Variants in ESR1 observed in about 807,000 individuals in gnomAD.
The protein encoded by ESR1 is estrogen receptor.
Under a neutral mutation model 52.7 loss-of-function variants are expected in ESR1, and 12 were observed. The ratio of observed to expected loss-of-function variants is 0.23; its 90% CI spans 0.15 to 0.37. The LOEUF (loss-of-function observed/expected upper bound fraction) is 0.37, where lower values mean the gene tolerates loss of function less well. Ranked by LOEUF, ESR1 falls within the 10% of genes least tolerant of loss-of-function variation. ESR1 has a pLI of 1.00. For missense variants in ESR1, 584 were observed against 779.7 expected (o/e 0.75, Z 2.99); for synonymous variants, 305 against 316.8 (o/e 0.96, Z 0.39).
intron 2 of ESR1, among the ~76,000 whole-genome samples, chr6:151,769,983 G>A (rs1377309679): frequency 2.7e-5 from 4 of 149,674 alleles, no homozygotes; most frequent in African/African-American, 5.0e-5. Context: ...AGCCAAGATC[G>A]CACCACTGCA....
chr6:151,709,739 A>AT (rs988880868), intron 2 of ESR1, among the ~76,000 whole-genome samples: 94 of 144,946 alleles, frequency 6.5e-4, no homozygotes, highest in Middle Eastern at 3.6e-3. Flanking sequence ...TTTTCTATAG[A>AT]TTTTTTTTTT....
At chr6:152,064,735 G>T (rs2047828447) in intron 6 of ESR1, among the ~76,000 whole-genome samples, 1 of 152,082 alleles carries the variant, frequency 6.6e-6, no homozygotes, top group Non-Finnish European at 1.5e-5. Context: ...ATTCCTCACA[G>T]TCTATTTAGC....
chr6:152,075,844 T>A (rs1448220496), intron 6 of ESR1, among the ~76,000 whole-genome samples: 1 of 152,210 alleles, frequency 6.6e-6, no homozygotes. Context: ...TTAGTCTAAG[T>A]GTCAGATAGG....
intron 3 of ESR1, among the ~76,000 whole-genome samples, chr6:151,897,246 T>C (rs1730329135): frequency 6.6e-6 from 1 of 152,186 alleles, no homozygotes; most frequent in African/African-American, 2.4e-5. Flanking sequence ...TGACTTTCTG[T>C]CTTGATGACC....
chr6:151,940,491 GTAT>G, intron 3 of ESR1, among the ~76,000 whole-genome samples: 1 of 152,160 alleles, frequency 6.6e-6, no homozygotes, highest in Non-Finnish European at 1.5e-5. Context: ...TGTGTGTCTT[GTAT>G]TCAACAACCT....
chr6:151,736,169 A>G (rs967557643), intron 2 of ESR1, among the ~76,000 whole-genome samples: 2 of 152,184 alleles, frequency 1.3e-5, no homozygotes, highest in African/African-American at 4.8e-5. Context: ...CCAAATTAAT[A>G]CTGTCCTTTC....
chr6:152,054,730 C>T (rs917643386), intron 5 of ESR1, among the ~76,000 whole-genome samples: 2 of 152,166 alleles, frequency 1.3e-5, no homozygotes, highest in Non-Finnish European at 2.9e-5. Context: ...TCAATATTCC[C>T]TGAATAGGTC....
intron 6 of ESR1, among the ~76,000 whole-genome samples, chr6:152,120,285 G>A (rs979021416): frequency 1.3e-5 from 2 of 152,212 alleles, no homozygotes; most frequent in South Asian, 4.1e-4. Context: ...GGAGTGACAG[G>A]AAAGTGAGGG....
chr6:151,877,793 A>G (rs1045657622), intron 2 of ESR1, among the ~76,000 whole-genome samples: 1 of 152,008 alleles, frequency 6.6e-6, no homozygotes, highest in East Asian at 1.9e-4. Context: ...CTTAATGTAT[A>G]CTAATTAATT....
intron 4 of ESR1, among the ~76,000 whole-genome samples, chr6:151,956,743 C>G (rs767699150): frequency 6.7e-6 from 1 of 149,242 alleles, no homozygotes; most frequent in Admixed American, 6.7e-5. Flanking sequence ...AAAAAACAAC[C>G]CTTCTCCTTT....
intron 1 of ESR1, among the ~76,000 whole-genome samples, chr6:151,820,679 T>A (rs996701319): frequency 2.0e-5 from 3 of 152,240 alleles, no homozygotes; most frequent in African/African-American, 7.2e-5. Flanking sequence ...GTTACTTCCT[T>A]GTCTTTATTT....
At chr6:151,803,681 G>A (rs117111427), upstream of ESR1, among the ~76,000 whole-genome samples, 334 of 152,284 alleles carry the variant, frequency 2.2e-3, 6 homozygotes, top group East Asian at 0.058. Context: ...TTAGGAGGCC[G>A]TTAGGACAGG....
intron 3 of ESR1, among the ~76,000 whole-genome samples, chr6:151,888,164 C>T (rs1016095722): frequency 3.3e-5 from 5 of 151,830 alleles, no homozygotes; most frequent in African/African-American, 1.2e-4. Flanking sequence ...TTTTGTGGTT[C>T]CATACAAATT....
intron 3 of ESR1, among the ~76,000 whole-genome samples, chr6:151,922,985 G>A (rs1002505531): frequency 6.6e-6 from 1 of 152,146 alleles, no homozygotes; most frequent in African/African-American, 2.4e-5. Context: ...TATACCAATA[G>A]TGAGAAACCT....
chr6:151,688,103 T>C (rs1047760189), upstream of ESR1, among the ~76,000 whole-genome samples: 1 of 152,230 alleles, frequency 6.6e-6, no homozygotes, highest in African/African-American at 2.4e-5. Flanking sequence ...ATTTTCCCTA[T>C]AATAAAGCAC....
chr6:151,867,434 C>A (rs1366645502), intron 2 of ESR1, among the ~76,000 whole-genome samples: 1 of 151,808 alleles, frequency 6.6e-6, no homozygotes, highest in Admixed American at 6.6e-5. Flanking sequence ...CACACACACA[C>A]ACACACACAA....
chr6:152,011,590 CATTA>C, intron 4 of ESR1, 62 bp from the exon 5 acceptor site: 1 of 1,586,202 alleles, frequency 6.3e-7, no homozygotes, highest in Non-Finnish European at 8.7e-7. Flanking sequence ...ATCCCTGTTG[CATTA>C]ATTTCACCAG....
At chr6:151,838,119 C>A (rs1277677221) in intron 1 of ESR1, among the ~76,000 whole-genome samples, 2 of 152,182 alleles carry the variant, frequency 1.3e-5, no homozygotes, top group African/African-American at 4.8e-5. Flanking sequence ...TCTGTCCCAG[C>A]CTCCTGAGTA....
At chr6:151,909,322 G>A (rs1261196585) in intron 3 of ESR1, among the ~76,000 whole-genome samples, 2 of 152,168 alleles carry the variant, frequency 1.3e-5, no homozygotes, top group African/African-American at 4.8e-5. Context: ...CATGACTTGG[G>A]GAGTCTCCAC....
Sources: allele counts gnomAD v4.1 joint callset (sites outside exome capture counted in the v4.1 genomes callset), GRCh38; gene constraint gnomAD v4.1.1; transcripts MANE v1.5; gene names NCBI Gene and HGNC (gene_info 2026-07-23, HGNC 2026-07-21).